SLC7A5: variants seen among roughly 807,000 people sequenced by gnomAD.
The protein encoded by SLC7A5 is large neutral amino acids transporter small subunit 1.
In SLC7A5, 23 loss-of-function variants were observed where a neutral mutation model predicts 50.2. The observed-to-expected ratio is 0.46, with a 90% CI of 0.33 to 0.65. The LOEUF (loss-of-function observed/expected upper bound fraction) is 0.65. SLC7A5 is among the 30% of genes least tolerant of loss of function. The pLI is 0.02. For synonymous variants in SLC7A5, 393 were observed against 330.6 expected, an observed-to-expected ratio of 1.19 and a Z score of -2.05; for missense variants, 578 against 684.4, an observed-to-expected ratio of 0.84 and a Z score of 1.73.
chr16:87,838,882 G>A (rs2287122), intron 5 of SLC7A5, 65 bp from the exon 6 acceptor site: 270,923 of 1,204,046 alleles, frequency 0.23, 34,350 homozygotes, highest in South Asian at 0.42. Context: ...TGTGCTCACT[G>A]GGAGCCCTCT....
At chr16:87,866,863 T>C (rs2055467873) in intron 1 of SLC7A5, among the ~76,000 whole-genome samples, 1 of 152,110 alleles carries the variant, frequency 6.6e-6, no homozygotes, top group East Asian at 1.9e-4. Flanking sequence ...GTCTCCTTCC[T>C]GGTGGCCAAT....
intron 1 of SLC7A5, among the ~76,000 whole-genome samples, chr16:87,858,519 A>G (rs1325988845): frequency 1.3e-5 from 2 of 152,206 alleles, no homozygotes; most frequent in African/African-American, 2.4e-5. Flanking sequence ...TGGAGGTGGA[A>G]GGACACTTGT....
At chr16:87,866,738 T>C (rs750085460) in intron 1 of SLC7A5, among the ~76,000 whole-genome samples, 2 of 152,098 alleles carry the variant, frequency 1.3e-5, no homozygotes, top group African/African-American at 2.4e-5. Context: ...AGTGCTGGGA[T>C]TACAGGTGTG....
intron 2 of SLC7A5, among the ~76,000 whole-genome samples, chr16:87,846,818 C>T (rs1351665071): frequency 6.6e-6 from 1 of 152,214 alleles, no homozygotes; most frequent in Non-Finnish European, 1.5e-5. Flanking sequence ...GCAGTCAGGG[C>T]GTGAGGTGAG....
At chr16:87,834,315 C>T (rs574273376) in intron 9 of SLC7A5, 99 bp downstream of exon 9, 46 of 1,204,570 alleles carry the variant, frequency 3.8e-5, no homozygotes, top group East Asian at 3.3e-4. Context: ...CCACCCAACA[C>T]GCTTCGCCCC....
intron 1 of SLC7A5, 129 bp from the exon 2 acceptor site, chr16:87,851,978 C>T (rs2055231972): frequency 9.6e-7 from 1 of 1,043,644 alleles, no homozygotes; most frequent in Non-Finnish European, 1.4e-6. Flanking sequence ...CCTTAAACAG[C>T]TCCAGTCCCC....
intron 2 of SLC7A5, among the ~76,000 whole-genome samples, chr16:87,844,262 G>C (rs1018731052): frequency 3.7e-4 from 57 of 152,322 alleles, no homozygotes; most frequent in Non-Finnish European, 6.3e-4. Flanking sequence ...AACCCCGGGT[G>C]GGGGGAAGGC....
At chr16:87,842,530 C>T (rs2055094508) in intron 2 of SLC7A5, among the ~76,000 whole-genome samples, 1 of 152,236 alleles carries the variant, frequency 6.6e-6, no homozygotes, top group African/African-American at 2.4e-5. Context: ...CGGTGGGGTC[C>T]CTTCCTGATG....
chr16:87,840,355 G>T, intron 4 of SLC7A5, 74 bp downstream of exon 4: 7 of 1,323,098 alleles, frequency 5.3e-6, no homozygotes, highest in Non-Finnish European at 6.6e-6. Context: ...AACAGGCTTC[G>T]AGTGGAATGT....
chr16:87,864,769 C>T (rs2055440506), intron 1 of SLC7A5, among the ~76,000 whole-genome samples: 1 of 152,232 alleles, frequency 6.6e-6, no homozygotes, highest in South Asian at 2.1e-4. Flanking sequence ...GTATGATTAA[C>T]TAACAAAAGC....
chr16:87,845,234 T>G (rs1025283190), intron 2 of SLC7A5, among the ~76,000 whole-genome samples: 1 of 152,232 alleles, frequency 6.6e-6, no homozygotes, highest in Non-Finnish European at 1.5e-5. Context: ...GCAGGACAGC[T>G]GCAGCTCACA....
chr16:87,832,829 C>T lies in SLC7A5; in HGVS notation c.*141G>A, dbSNP rs1214939532. On this transcript the variant is annotated 3_prime_UTR_variant, in exon 10 of 10. Transcript: ENST00000261622. This position sits in a 1 kb window ranked among gnomAD's most constrained non-coding sequence, Gnocchi z 4.6. ...ACCAGAGTTTTCACAGCAGCCTCCA[C>T]TGCCCGACCTGGGAGGGACGGCGAG... 12 of 740,424 alleles carry T rather than the reference C, an allele frequency of 1.6e-5. No individual in the cohort carries two copies. The East Asian group carries it at 2.8e-4, about 17-fold the overall frequency. 45.9% of individuals were successfully genotyped at this position (740,424 alleles called of 1,614,324 possible).
chr16:87,837,261 G>T (rs970177165), intron 7 of SLC7A5, among the ~76,000 whole-genome samples: 1 of 151,864 alleles, frequency 6.6e-6, no homozygotes, highest in Non-Finnish European at 1.5e-5. Context: ...GCTCAGGGGT[G>T]GGGCCTGCAG....
chr16:87,868,768 G>C (rs2055494880), intron 1 of SLC7A5, 117 bp downstream of exon 1: 3 of 1,109,652 alleles, frequency 2.7e-6, no homozygotes. Flanking sequence ...TAGAACTGCC[G>C]GGATGGTCCA....
intron 1 of SLC7A5, among the ~76,000 whole-genome samples, chr16:87,856,435 G>C (rs1213076715): frequency 4.6e-5 from 7 of 152,244 alleles, no homozygotes; most frequent in Non-Finnish European, 1.0e-4. Context: ...GGTGCACCGG[G>C]CACAGCAGTT....
In SLC7A5 at chr16:87,851,868, G is replaced by GCGGTGAGTTCCA. The variant is rs2055229541; in HGVS notation, c.539-31_539-20dup. On this transcript the variant is annotated intron_variant, in intron 1 of 9. Coordinates refer to ENST00000261622, the MANE Select transcript of SLC7A5 (RefSeq NM_003486.7). ...AGCAGCACTGTGGAGACAGAGGGCA[G>GCGGTGAGTTCCA]CGGTGAGTTCCACGGGCAGACAGAC... The GCGGTGAGTTCCA allele has an allele frequency of 6.2e-7, 1 of 1,612,430 alleles. No homozygotes were observed. The highest frequency in any genetic ancestry group is 1.3e-5 in the African/African-American group (1 of 74,884).
chr16:87,844,464 T>C (rs550891746), intron 2 of SLC7A5, among the ~76,000 whole-genome samples: 2 of 152,220 alleles, frequency 1.3e-5, no homozygotes, highest in South Asian at 2.1e-4. Flanking sequence ...GAGGGGAGAC[T>C]CCGCCGGTGG....
chr16:87,840,424 C>A lies in SLC7A5; in HGVS notation c.815+5G>T, dbSNP rs1273111584. 6.2e-7 allele frequency: 1 copy of A among 1,609,718 alleles called. No homozygotes were observed. Among genetic ancestry groups the A allele is most frequent in the African/African-American group, 1.3e-5 (1 of 74,964 alleles). On this transcript the variant is annotated splice_donor_5th_base_variant and intron_variant, in intron 4 of 9. Coordinates refer to ENST00000261622, the MANE Select transcript of SLC7A5 (RefSeq NM_003486.7). ...AAAGACGGCTCCATCCATTCTTGCA[C>A]GTACCTGTAGGGGTTGATCATTTCC...
chr16:87,845,188 C>T (rs1030926983), intron 2 of SLC7A5, among the ~76,000 whole-genome samples: 1 of 127,672 alleles, frequency 7.8e-6, no homozygotes, highest in African/African-American at 3.7e-5. Flanking sequence ...CCAGGGGAGA[C>T]CTCCCGGCTT....
Sources: gnomAD v4.1 joint callset for allele counts (sites outside exome capture counted in the v4.1 genomes callset) on GRCh38, gnomAD v4.1.1 for gene constraint, Gnocchi (gnomAD v3.1) non-coding constraint, MANE v1.5 for transcripts, NCBI Gene and HGNC (gene_info 2026-07-23, HGNC 2026-07-21) for gene names.